NRXN1: variants seen among roughly 807,000 people sequenced by gnomAD.
The protein encoded by NRXN1 is neurexin-1.
In NRXN1, 39 loss-of-function variants were observed where a neutral mutation model predicts 150.9. The observed-to-expected ratio is 0.26, with a 90% CI of 0.20 to 0.34. The LOEUF (loss-of-function observed/expected upper bound fraction) is 0.34. Among genes scored for constraint, NRXN1 ranks in the 10% least tolerant of loss-of-function variants. The probability of loss-of-function intolerance (pLI) is 1.00; values close to 1 mark genes in which losing one functional copy is unlikely to be tolerated. For missense variants in NRXN1, 1,815 were observed against 1,949.9 expected, an observed-to-expected ratio of 0.93 and a Z score of 1.30; for synonymous variants, 924 against 757.0, an observed-to-expected ratio of 1.22 and a Z score of -3.62.
At chr2:50,601,455 G>A (rs1467371670) in intron 8 of NRXN1, among the ~76,000 whole-genome samples, 1 of 152,166 alleles carries the variant, frequency 6.6e-6, no homozygotes, top group African/African-American at 2.4e-5. Context: ...GATGAATTAT[G>A]TCATTCGAGT....
chr2:50,731,804 G>A (rs924193861), intron 5 of NRXN1, among the ~76,000 whole-genome samples: 2 of 152,100 alleles, frequency 1.3e-5, no homozygotes, highest in Non-Finnish European at 2.9e-5. Context: ...AAATAAAGAC[G>A]CAACCCAGTT....
At chr2:51,000,308 A>C (rs1699867252) in intron 2 of NRXN1, among the ~76,000 whole-genome samples, 2 of 151,936 alleles carry the variant, frequency 1.3e-5, no homozygotes, top group African/African-American at 4.8e-5. Context: ...TTCTTTATAG[A>C]GCTTGCCATT....
At chr2:50,446,434 T>C (rs149276465) in intron 17 of NRXN1, among the ~76,000 whole-genome samples, 2,191 of 125,276 alleles carry the variant, frequency 0.017, 73 homozygotes, top group African/African-American at 0.062. Flanking sequence ...CTTCCTTTCC[T>C]CCTTCCTTCC....
At chr2:50,027,388 CCCTT>C (rs1325337216) in intron 21 of NRXN1, among the ~76,000 whole-genome samples, 6 of 138,318 alleles carry the variant, frequency 4.3e-5, no homozygotes, top group Middle Eastern at 3.7e-3. Context: ...CTTCCTCCCT[CCCTT>C]CCTTCCTTCC....
At chr2:50,224,631 T>G (rs958306862) in intron 18 of NRXN1, among the ~76,000 whole-genome samples, 16 of 150,318 alleles carry the variant, frequency 1.1e-4, no homozygotes, top group Admixed American at 5.4e-4. Context: ...TTTACCTCCC[T>G]CAGCTAAGCC....
Position 50,763,239 on chromosome 2 carries a change from T to C in NRXN1, c.833-139624A>G, listed in dbSNP as rs924991811. On this transcript the variant is annotated intron_variant, in intron 5 of 22. Transcript: ENST00000401669. ...TAATTAGTCCCATTTGATTATATCA[T>C]TTCCTGACAGTCCCAAACACTCTTT... is the stretch of plus-strand genomic sequence containing the variant. Among the ~76,000 whole-genome samples, 4 of 151,976 alleles carry C rather than the reference T, an allele frequency of 2.6e-5. No individual in the cohort carries two copies. The South Asian group carries it at 6.2e-4, about 24-fold the overall frequency.
intron 18 of NRXN1, among the ~76,000 whole-genome samples, chr2:50,176,960 T>A (rs951791960): frequency 1.3e-5 from 2 of 152,098 alleles, no homozygotes; most frequent in Non-Finnish European, 2.9e-5. Context: ...GTAAACCGAG[T>A]TTCTGTTCTT....
At chr2:50,710,893 T>C (rs1281653766) in intron 5 of NRXN1, among the ~76,000 whole-genome samples, 1 of 152,182 alleles carries the variant, frequency 6.6e-6, no homozygotes, top group Non-Finnish European at 1.5e-5. Context: ...ATTAACTACC[T>C]TTCTGTTTGC....
intron 17 of NRXN1, among the ~76,000 whole-genome samples, chr2:50,425,733 A>T (rs1274225248): frequency 1.3e-5 from 2 of 152,042 alleles, no homozygotes; most frequent in African/African-American, 4.8e-5. Context: ...TGTGAGTTTG[A>T]TCTAAGGGTT....
At chr2:50,240,557 C>T (rs1341817924) in intron 17 of NRXN1, among the ~76,000 whole-genome samples, 1 of 151,646 alleles carries the variant, frequency 6.6e-6, no homozygotes, top group Non-Finnish European at 1.5e-5. Flanking sequence ...GTTTCAAAAT[C>T]TACCTCCTTT....
At chr2:50,363,771 A>T (rs1286731256) in intron 17 of NRXN1, among the ~76,000 whole-genome samples, 1 of 152,178 alleles carries the variant, frequency 6.6e-6, no homozygotes, top group Non-Finnish European at 1.5e-5. Context: ...AAATCATTCT[A>T]CTATAAAGAC....
chr2:50,814,142 C>T (rs535312826), intron 5 of NRXN1, among the ~76,000 whole-genome samples: 1 of 152,044 alleles, frequency 6.6e-6, no homozygotes, highest in African/African-American at 2.4e-5. Context: ...TGTGACTAGA[C>T]TTTCTACCCT....
At chr2:50,830,156 T>G (rs1671215477) in intron 5 of NRXN1, among the ~76,000 whole-genome samples, 6 of 152,138 alleles carry the variant, frequency 3.9e-5, no homozygotes. Context: ...CAGCTCATTT[T>G]TATTTATGCT....
intron 21 of NRXN1, among the ~76,000 whole-genome samples, chr2:49,952,845 T>A (rs2193869): frequency 0.83 from 125,892 of 152,086 alleles, 52,585 homozygotes; most frequent in African/African-American, 0.93. Flanking sequence ...CTCACACAAC[T>A]ATCATTAGAG....
At chr2:50,683,388 T>C (rs940784284) in intron 5 of NRXN1, among the ~76,000 whole-genome samples, 7 of 150,792 alleles carry the variant, frequency 4.6e-5, no homozygotes, top group Non-Finnish European at 1.0e-4. Context: ...ATTCCAGCAC[T>C]TTGGGAGGCC....
intron 21 of NRXN1, among the ~76,000 whole-genome samples, chr2:49,950,856 C>T (rs779434436): frequency 3.3e-5 from 5 of 151,938 alleles, no homozygotes; most frequent in Non-Finnish European, 7.4e-5. Context: ...AGCTCAAATA[C>T]CCCTTAAAAC....
chr2:50,027,365 G>GCTTC (rs1294526265), intron 21 of NRXN1, among the ~76,000 whole-genome samples: 2 of 73,054 alleles, frequency 2.7e-5, no homozygotes, highest in South Asian at 4.0e-4. Context: ...TTCCTTCGTT[G>GCTTC]CTTCCTTCCT....
At chr2:50,129,726 G>A (rs911617223) in intron 18 of NRXN1, among the ~76,000 whole-genome samples, 11 of 152,070 alleles carry the variant, frequency 7.2e-5, no homozygotes, top group African/African-American at 2.7e-4. Flanking sequence ...AGAAAGGAGG[G>A]CCTATTTAGA....
chr2:50,280,794 G>A (rs532899512), intron 17 of NRXN1, among the ~76,000 whole-genome samples: 10 of 152,240 alleles, frequency 6.6e-5, no homozygotes, highest in African/African-American at 2.4e-4. Context: ...CTCCTATTGA[G>A]CCTTTCCTGA....
Sources: gnomAD v4.1 joint callset for allele counts (sites outside exome capture counted in the v4.1 genomes callset) on GRCh38, gnomAD v4.1.1 for gene constraint, MANE v1.5 for transcripts, NCBI Gene and HGNC (gene_info 2026-07-23, HGNC 2026-07-21) for gene names.